DDRGK1: variants seen among roughly 807,000 people sequenced by gnomAD.
DDRGK1 encodes the protein DDRGK domain containing 1, also known as DDRGK domain-containing protein 1.
In DDRGK1, 38 loss-of-function variants were observed where a neutral mutation model predicts 45.8. The ratio of observed to expected loss-of-function variants is 0.83; its 90% CI spans 0.64 to 1.09. The LOEUF is 1.09. DDRGK1 is among the 50% of genes least tolerant of loss of function. The pLI, the probability that DDRGK1 is intolerant of heterozygous loss-of-function variation, is 0.00. For synonymous variants in DDRGK1, 171 were observed against 168.7 expected (o/e 1.01, Z -0.11); for missense variants, 403 against 419.9 (o/e 0.96, Z 0.35).
chr20:3,197,001 TC>T (rs1399024387), intron 4 of DDRGK1, among the ~76,000 whole-genome samples: 27 of 151,990 alleles, frequency 1.8e-4, no homozygotes, highest in African/African-American at 5.8e-4. Flanking sequence ...GGCAGGCGGA[TC>T]ACCTGAGGTC....
At chr20:3,198,830 G>A (rs1194851673) in intron 4 of DDRGK1, among the ~76,000 whole-genome samples, 2 of 143,884 alleles carry the variant, frequency 1.4e-5, no homozygotes, top group African/African-American at 5.2e-5. Context: ...AAAGGATACT[G>A]GGAAAAAACA....
chr20:3,203,779 C>CAG (rs1336329221), intron 1 of DDRGK1, among the ~76,000 whole-genome samples: 1 of 152,240 alleles, frequency 6.6e-6, no homozygotes, highest in Admixed American at 6.5e-5. Context: ...GCTCCCCAGC[C>CAG]AGAGAGTACA....
chr20:3,191,735 G>C (rs1005326371), intron 7 of DDRGK1, 30 bp downstream of exon 7: 14 of 1,586,378 alleles, frequency 8.8e-6, no homozygotes, highest in Non-Finnish European at 9.4e-6. Flanking sequence ...TGGCCACACT[G>C]CACACAGCAG....
intron 2 of DDRGK1, 74 bp from the exon 3 acceptor site, chr20:3,200,528 G>C: frequency 1.5e-6 from 2 of 1,357,300 alleles, no homozygotes; most frequent in Non-Finnish European, 2.0e-6. Flanking sequence ...CCAACCCCTC[G>C]TCCCTCCCCT....
chr20:3,198,574 C>CCT (rs2067021997), intron 4 of DDRGK1, among the ~76,000 whole-genome samples: 1 of 150,476 alleles, frequency 6.6e-6, no homozygotes, highest in Admixed American at 6.7e-5. Context: ...GTGGCACATG[C>CCT]CTGTAATCCC....
At chr20:3,196,522 A>AC (rs869309992) in intron 4 of DDRGK1, among the ~76,000 whole-genome samples, 2 of 15,284 alleles carry the variant, frequency 1.3e-4, no homozygotes, top group Non-Finnish European at 3.8e-4. Flanking sequence ...CTAAAAATAC[A>AC]AAAAAAAAAT....
chr20:3,194,284 G>A lies in DDRGK1; in HGVS notation c.672+546C>T, dbSNP rs1034638229. Among the ~76,000 whole-genome samples the A allele has an allele frequency of 2.6e-5, 4 of 152,176 alleles. No homozygotes were observed. The South Asian group carries it at 6.2e-4, about 24-fold the overall frequency. ...CCCTCATGGCATCCTTCGTGGGAGA[G>A]AAGTTGCTTAGCAGCAAAGCAAAGT... On this transcript the variant is annotated intron_variant, in intron 6 of 8. Coordinates refer to ENST00000354488, the MANE Select transcript of DDRGK1 (RefSeq NM_023935.3).
intron 4 of DDRGK1, among the ~76,000 whole-genome samples, chr20:3,197,405 T>A (rs1301008985): frequency 6.6e-6 from 1 of 152,018 alleles, no homozygotes; most frequent in Non-Finnish European, 1.5e-5. Flanking sequence ...AAAAAAACAG[T>A]CACATTACAG....
intron 2 of DDRGK1, among the ~76,000 whole-genome samples, chr20:3,200,903 G>A (rs1052195859): frequency 1.3e-5 from 2 of 152,322 alleles, no homozygotes; most frequent in South Asian, 2.1e-4. Context: ...GAGGTTAGGA[G>A]ATCGAGATCA....
At chr20:3,197,592 C>A (rs1054063446) in intron 4 of DDRGK1, among the ~76,000 whole-genome samples, 3 of 152,188 alleles carry the variant, frequency 2.0e-5, no homozygotes, top group African/African-American at 7.2e-5. Flanking sequence ...ATCAACCAAA[C>A]TCAAATTAAG....
At position 3,200,031 on chromosome 20, in the gene DDRGK1, C is replaced by T. The variant is rs1194613148; in HGVS notation, c.480G>A (p.Glu160=). The T allele has an allele frequency of 2.7e-5, 44 of 1,613,698 alleles. No individual in the cohort carries two copies. The highest frequency in any genetic ancestry group is 8.3e-5 in the Admixed American group (5 of 59,958). ...SQREAEWKKE[E]ERLRLEEEQK... ...GCTCCTCCTCCAGGCGAAGCCGCTC[C>T]TCCTCCTTCTTCCACTCAGCTTCGC... Residue 160 remains glutamate, a synonymous_variant, in exon 4 of 9, where the codon GAG becomes GAA. Coordinates refer to ENST00000354488, the MANE Select transcript of DDRGK1 (RefSeq NM_023935.3).
At position 3,203,276 on chromosome 20, in the gene DDRGK1, G is replaced by C. The variant is rs1213662187; in HGVS notation, c.232C>G (p.Arg78Gly). The part of the protein sequence containing the change: ...RDLGSRLQAQ[R>G]RAQRVAWAEA... ...GCCCAGGCCACCCGCTGGGCTCGAC[G>C]CTGGGCCTGTAGGCGGCTGCCCAGG... Residue 78 changes from arginine to glycine, a missense_variant, in exon 2 of 9, where the codon CGT becomes GGT. Physicochemically the swap from Arg to Gly is moderately radical, Grantham distance 125 (BLOSUM62 -2). Transcript: ENST00000354488. 1.9e-6 allele frequency: 3 copies of C among 1,607,100 alleles called. No individual in the cohort carries two copies. The highest frequency in any genetic ancestry group is 2.2e-5 in the South Asian group (2 of 90,550).
intron 1 of DDRGK1, 148 bp from the exon 2 acceptor site, chr20:3,203,564 G>T: frequency 8.3e-7 from 1 of 1,203,296 alleles, no homozygotes; most frequent in Non-Finnish European, 1.1e-6. Context: ...GACTGGCAAG[G>T]CCTTTTCCAC....
rs2067055400 is a variant in DDRGK1, at chr20:3,204,274, TTGGAGGTATGGAG to T, written c.91+250_91+262del. ...GTGCGCCGGCCAGGGCCTCAGGCCT[TTGGAGGTATGGAG>T]TTCCCGGGGGTGAAGAGAGGGATGA... On this transcript the variant is annotated intron_variant, in intron 1 of 8. Coordinates refer to ENST00000354488, the MANE Select transcript of DDRGK1 (RefSeq NM_023935.3). 6.6e-5 allele frequency among the ~76,000 whole-genome samples: 10 copies of T among 152,012 alleles called. No individual in the cohort carries two copies. The South Asian group carries it at 2.1e-3, about 32-fold the overall frequency.
At chr20:3,198,961 G>A (rs1252081718) in intron 4 of DDRGK1, among the ~76,000 whole-genome samples, 1 of 131,544 alleles carries the variant, frequency 7.6e-6, no homozygotes, top group Non-Finnish European at 1.6e-5. Context: ...GGGAAACACG[G>A]TGAAACCCAA....
chr20:3,196,894 T>C (rs965212958), intron 4 of DDRGK1, among the ~76,000 whole-genome samples: 2 of 151,254 alleles, frequency 1.3e-5, no homozygotes, highest in African/African-American at 4.9e-5. Context: ...TAACACAAAG[T>C]ACAAAATAAA....
At chr20:3,200,131 C>T (rs1290907142) in intron 3 of DDRGK1, 29 bp from the exon 4 acceptor site, 18 of 1,604,008 alleles carry the variant, frequency 1.1e-5, no homozygotes, top group Non-Finnish European at 1.4e-5. Context: ...AGGGGCACAT[C>T]CCTCACCCCC....
intron 2 of DDRGK1, among the ~76,000 whole-genome samples, chr20:3,202,317 A>C (rs1276662112): frequency 2.0e-5 from 3 of 152,156 alleles, no homozygotes; most frequent in Non-Finnish European, 4.4e-5. Flanking sequence ...TATCCTGGCT[A>C]ATGAACTCCA....
chr20:3,192,723 C>A (rs933522594), intron 6 of DDRGK1, among the ~76,000 whole-genome samples: 6 of 152,218 alleles, frequency 3.9e-5, no homozygotes, highest in Non-Finnish European at 7.3e-5. Context: ...GCCCCCACTA[C>A]CCCAACACAC....
Sources: gnomAD v4.1 joint callset for allele counts (sites outside exome capture counted in the v4.1 genomes callset) on GRCh38, gnomAD v4.1.1 for gene constraint, MANE v1.5 for transcripts, NCBI Gene and HGNC (gene_info 2026-07-23, HGNC 2026-07-21) for gene names.